The following ZMYM2 variants were observed in gnomAD, a reference collection of about 807,000 sequenced individuals.
The protein encoded by ZMYM2 is zinc finger MYM-type protein 2.
A neutral mutation model predicts 162.8 loss-of-function variants in ZMYM2; 56 were observed. That is an observed-to-expected ratio of 0.34 (90% CI 0.28 to 0.43). The LOEUF is 0.43. Ranked by LOEUF, ZMYM2 falls within the 20% of genes least tolerant of loss-of-function variation. The pLI is 1.00. For missense variants in ZMYM2, 1,275 were observed against 1,621.8 expected (o/e 0.79, Z 3.67); for synonymous variants, 510 against 541.6 (o/e 0.94, Z 0.81).
At chr13:19,931,589 T>C in the ZMYM2 span, among the ~76,000 whole-genome samples, 2 of 152,298 alleles carry the variant, frequency 1.3e-5, no homozygotes, top group South Asian at 4.1e-4. Flanking sequence ...TTTTTCAGAT[T>C]GGCTTCTTTC....
rs562329688 is a variant in ZMYM2, at chr13:19,965,994, G to A, written c.-11+5968G>A. ...AGGGTTTCACCGTGTTGGCCAGCTG[G>A]TTTTGAACTCCTGAACTCAGGTGAT... On this transcript the variant is annotated intron_variant, in intron 2 of 24. Coordinates refer to ENST00000610343, the MANE Select transcript of ZMYM2 (RefSeq NM_197968.4). Among the ~76,000 whole-genome samples, 8 of 151,984 alleles carry A rather than the reference G, an allele frequency of 5.3e-5. No individual in the cohort carries two copies. The South Asian group carries it at 1.7e-3, about 32-fold the overall frequency.
chr13:19,983,865 A>C (rs1206836082), intron 2 of ZMYM2, among the ~76,000 whole-genome samples: 1 of 151,656 alleles, frequency 6.6e-6, no homozygotes, highest in Admixed American at 6.6e-5. Flanking sequence ...CGGGCTCAAG[A>C]GATCTGCCCG....
At position 20,064,580 on chromosome 13, in the gene ZMYM2, C is replaced by T. The variant is rs867801497; in HGVS notation, c.3132+35C>T. Reference sequence around the variant, plus strand: ...CTTAATAGCCTATATAACAATATTTCTCTATAGGCAAACAAGGATACAGTG... The same window carrying T: ...CTTAATAGCCTATATAACAATATTTTTCTATAGGCAAACAAGGATACAGTG... On this transcript the variant is annotated intron_variant, in intron 19 of 24. Transcript: ENST00000610343. 5 of 1,468,274 alleles carry T rather than the reference C, an allele frequency of 3.4e-6. 1 individual carries two copies. In the Middle Eastern group the frequency reaches 9.0e-4, roughly 265 times the overall value. 91.0% of individuals were successfully genotyped at this position (1,468,274 alleles called of 1,614,324 possible).
chr13:19,918,331 G>A, the ZMYM2 span, among the ~76,000 whole-genome samples: 2 of 151,460 alleles, frequency 1.3e-5, no homozygotes, highest in African/African-American at 2.4e-5. Context: ...TATAGTCCCA[G>A]ATACTTGGGA....
chr13:19,959,043 C>T (rs1313105036), intron 1 of ZMYM2, among the ~76,000 whole-genome samples: 2 of 151,812 alleles, frequency 1.3e-5, no homozygotes, highest in African/African-American at 4.8e-5. Context: ...GCGTCGGGGC[C>T]TCGGGGGCAG....
chr13:20,026,894 C>G (rs990709197), intron 8 of ZMYM2, 132 bp downstream of exon 8: 4 of 1,052,660 alleles, frequency 3.8e-6, no homozygotes, highest in Non-Finnish European at 5.2e-6. Context: ...GAAAACTGTT[C>G]TAATTATTTT....
Position 20,072,326 on chromosome 13 carries a change from G to A in ZMYM2, c.3453+4936G>A, listed in dbSNP as rs532210272. ...CCTGAGGTTCAGGAGTTCTAGACCAGCCTGGCCGACATGGTGAAATGCTGT... is the reference window on the plus strand; with the variant it reads ...CCTGAGGTTCAGGAGTTCTAGACCAACCTGGCCGACATGGTGAAATGCTGT... On this transcript the variant is annotated intron_variant, in intron 21 of 24. Coordinates refer to ENST00000610343, the MANE Select transcript of ZMYM2 (RefSeq NM_197968.4). Among the ~76,000 whole-genome samples, 34 of 152,156 alleles carry A rather than the reference G, an allele frequency of 2.2e-4. 1 individual carries two copies. Among genetic ancestry groups the A allele is most frequent in the Admixed American group, 5.2e-4 (8 of 15,286 alleles).
At chr13:20,028,661 A>C (rs919147010) in intron 9 of ZMYM2, among the ~76,000 whole-genome samples, 4 of 152,234 alleles carry the variant, frequency 2.6e-5, no homozygotes, top group African/African-American at 9.6e-5. Flanking sequence ...CTACAGTGCA[A>C]GTCTTCCTGT....
chr13:19,988,128 A>AT (rs1949324085), intron 2 of ZMYM2, among the ~76,000 whole-genome samples: 1 of 152,150 alleles, frequency 6.6e-6, no homozygotes, highest in Admixed American at 6.6e-5. Flanking sequence ...ATAGAAAAAA[A>AT]TTCTGTTTTC....
the ZMYM2 span, among the ~76,000 whole-genome samples, chr13:19,913,790 A>G: frequency 6.6e-6 from 1 of 152,212 alleles, no homozygotes; most frequent in Non-Finnish European, 1.5e-5. Context: ...AAAAACACCA[A>G]GTAACTTACA....
intron 7 of ZMYM2, chr13:20,024,450 A>G (rs1952397268): frequency 4.7e-6 from 1 of 214,616 alleles, no homozygotes; most frequent in Non-Finnish European, 9.4e-6. Flanking sequence ...AACTTAATTT[A>G]TATGAGTAAA....
intron 2 of ZMYM2, among the ~76,000 whole-genome samples, chr13:19,988,971 T>G (rs533490611): frequency 1.1e-4 from 16 of 152,156 alleles, no homozygotes; most frequent in Non-Finnish European, 1.8e-4. Flanking sequence ...GTCAGATGCT[T>G]AGCTGCATGA....
At chr13:20,055,856 A>T (rs1310128921) in intron 14 of ZMYM2, among the ~76,000 whole-genome samples, 2 of 152,108 alleles carry the variant, frequency 1.3e-5, no homozygotes, top group Admixed American at 1.3e-4. Flanking sequence ...AATCGGGGTT[A>T]GGAAAATGTT....
intron 2 of ZMYM2, among the ~76,000 whole-genome samples, chr13:19,966,666 C>T (rs560133438): frequency 6.6e-6 from 1 of 152,116 alleles, no homozygotes; most frequent in East Asian, 1.9e-4. Flanking sequence ...GTCTTGAACT[C>T]CTGACCTCAG....
chr13:19,969,886 G>A (rs928066316), intron 2 of ZMYM2: 17 of 265,836 alleles, frequency 6.4e-5, no homozygotes, highest in Non-Finnish European at 8.7e-5. Context: ...AAAGAGTTTT[G>A]AGTCTTATGA....
At chr13:19,986,726 G>T (rs1949176306) in intron 2 of ZMYM2, among the ~76,000 whole-genome samples, 1 of 151,752 alleles carries the variant, frequency 6.6e-6, no homozygotes, top group South Asian at 2.1e-4. Flanking sequence ...TCTTTTAATG[G>T]TTATTATGGA....
In ZMYM2 at chr13:20,052,933, A is replaced by G. The variant is rs1955494181; in HGVS notation, c.2493+622A>G. Among the ~76,000 whole-genome samples the G allele has an allele frequency of 2.6e-5, 4 of 152,214 alleles. 1 individual carries two copies. The South Asian group carries it at 8.3e-4, about 32-fold the overall frequency. On this transcript the variant is annotated intron_variant, in intron 14 of 24. Transcript: ENST00000610343. Reference sequence around the variant, plus strand: ...GATCTGAAGATATATGTTGGTGGCTAGAATTTTTTGAGTTTAACAATTTGG... The same window carrying G: ...GATCTGAAGATATATGTTGGTGGCTGGAATTTTTTGAGTTTAACAATTTGG...
At chr13:20,026,374 TAGAG>T (rs996810132) in intron 7 of ZMYM2, 10 of 352,434 alleles carry the variant, frequency 2.8e-5, no homozygotes, top group South Asian at 1.3e-4. Context: ...CTAAATATAA[TAGAG>T]AGAAAAACAT....
intron 8 of ZMYM2, 40 bp downstream of exon 8, chr13:20,026,802 A>G (rs747149567): frequency 1.1e-4 from 177 of 1,546,040 alleles, no homozygotes; most frequent in Non-Finnish European, 1.4e-4. Context: ...AAACTTTACA[A>G]CGTAATTAAT....
Sources: gnomAD v4.1 joint callset for allele counts (sites outside exome capture counted in the v4.1 genomes callset) on GRCh38, gnomAD v4.1.1 for gene constraint, MANE v1.5 for transcripts, NCBI Gene and HGNC (gene_info 2026-07-23, HGNC 2026-07-21) for gene names.